Variants in FOXP2 observed in about 807,000 individuals in gnomAD.
The protein encoded by FOXP2 is forkhead box protein P2.
A neutral mutation model predicts 115.8 loss-of-function variants in FOXP2; 12 were observed. That is an observed-to-expected ratio of 0.10 (90% CI 0.07 to 0.17). FOXP2 has a LOEUF of 0.17. Ranked by LOEUF, FOXP2 falls within the 10% of genes least tolerant of loss-of-function variation. The pLI is 1.00. For missense variants in FOXP2, 629 were observed against 843.5 expected (o/e 0.75, Z 3.15); for synonymous variants, 328 against 297.7 (o/e 1.10, Z -1.05).
chr7:114,518,511 A>AT lies in FOXP2; in HGVS notation c.169-16093dup, dbSNP rs948100183. Among the ~76,000 whole-genome samples the AT allele has an allele frequency of 9.9e-3, 1,450 of 145,970 alleles. 21 individuals are homozygous for AT. Among genetic ancestry groups the AT allele is most frequent in the African/African-American group, 0.031 (1,246 of 40,080 alleles). ...CCCTTTGACCCAAAGATTCTATAGA[A>AT]TTTTTTTTTTTTTGAGATGGAGTCT... On this transcript the variant is annotated intron_variant, in intron 2 of 16. Coordinates refer to ENST00000350908, the MANE Select transcript of FOXP2 (RefSeq NM_014491.4).
intron 2 of FOXP2, among the ~76,000 whole-genome samples, chr7:114,464,296 A>G (rs1183449023): frequency 6.6e-6 from 1 of 152,020 alleles, no homozygotes; most frequent in Non-Finnish European, 1.5e-5. Flanking sequence ...CAAACTTACA[A>G]AATTGTGACC....
At chr7:114,367,548 A>G (rs187628512) in intron 2 of FOXP2, among the ~76,000 whole-genome samples, 175 of 152,272 alleles carry the variant, frequency 1.1e-3, no homozygotes, top group Non-Finnish European at 2.2e-3. Flanking sequence ...TAATAGAACT[A>G]TGAACTACAA....
At chr7:114,508,004 T>C (rs531566806) in intron 2 of FOXP2, among the ~76,000 whole-genome samples, 6 of 152,114 alleles carry the variant, frequency 3.9e-5, no homozygotes, top group African/African-American at 1.2e-4. Flanking sequence ...ATTAAGTGCT[T>C]GCTATATGTC....
At chr7:114,353,746 G>C (rs1268620823) in intron 2 of FOXP2, among the ~76,000 whole-genome samples, 1 of 151,976 alleles carries the variant, frequency 6.6e-6, no homozygotes, top group African/African-American at 2.4e-5. Flanking sequence ...GTCATCTACT[G>C]ATCTGTAGGC....
intron 16 of FOXP2, among the ~76,000 whole-genome samples, chr7:114,679,675 G>A (rs368315952): frequency 6.6e-6 from 1 of 151,686 alleles, no homozygotes; most frequent in African/African-American, 2.4e-5. Context: ...ACATGTCTAC[G>A]ATTCTCCATT....
intron 2 of FOXP2, among the ~76,000 whole-genome samples, chr7:114,486,440 G>A (rs1318741420): frequency 6.6e-6 from 1 of 152,000 alleles, no homozygotes; most frequent in African/African-American, 2.4e-5. Context: ...ATGAGATTTG[G>A]GTGGGGACAC....
At chr7:114,672,960 G>A (rs920735600) in intron 16 of FOXP2, among the ~76,000 whole-genome samples, 9 of 152,162 alleles carry the variant, frequency 5.9e-5, no homozygotes, top group Non-Finnish European at 1.2e-4. Flanking sequence ...CTCAACTACA[G>A]GACTTTGAGG....
intron 1 of FOXP2, among the ~76,000 whole-genome samples, chr7:114,420,508 A>G (rs1184863421): frequency 6.6e-6 from 1 of 151,898 alleles, no homozygotes; most frequent in African/African-American, 2.4e-5. Flanking sequence ...CTGTGACAGA[A>G]TATACTTGCT....
chr7:114,615,045 C>T (rs1045318435), intron 3 of FOXP2, among the ~76,000 whole-genome samples: 4 of 151,998 alleles, frequency 2.6e-5, no homozygotes, highest in Non-Finnish European at 5.9e-5. Context: ...ATGGTGAAAC[C>T]CCGTCTCTAC....
At chr7:114,391,892 T>C (rs1254275672) in intron 2 of FOXP2, among the ~76,000 whole-genome samples, 2 of 152,200 alleles carry the variant, frequency 1.3e-5, no homozygotes, top group Non-Finnish European at 2.9e-5. Flanking sequence ...CTGAAAAGCA[T>C]ACTAGGTCTT....
chr7:114,631,762 A>G (rs1804936936), intron 6 of FOXP2, 57 bp downstream of exon 6: 2 of 1,575,748 alleles, frequency 1.3e-6, no homozygotes, highest in Non-Finnish European at 1.7e-6. Flanking sequence ...CTACCATTTC[A>G]TGGCCTTTCT....
intron 1 of FOXP2, among the ~76,000 whole-genome samples, chr7:114,180,115 T>A (rs1046250135): frequency 6.6e-6 from 1 of 152,006 alleles, no homozygotes; most frequent in African/African-American, 2.4e-5. Context: ...ACTGCGTTAG[T>A]ATTTTGGGAA....
At chr7:114,596,346 A>T (rs143475764) in intron 3 of FOXP2, among the ~76,000 whole-genome samples, 25 of 152,118 alleles carry the variant, frequency 1.6e-4, no homozygotes, top group Non-Finnish European at 3.1e-4. Context: ...CCAGATTGCA[A>T]ATTGAAAGCT....
chr7:114,204,727 G>T (rs1169604614), intron 1 of FOXP2, among the ~76,000 whole-genome samples: 1 of 152,100 alleles, frequency 6.6e-6, no homozygotes, highest in East Asian at 1.9e-4. Flanking sequence ...GAGAGTATTT[G>T]CTAGTAGCTA....
At position 114,214,304 on chromosome 7, in the gene FOXP2, A is replaced by G. The variant is rs142393386; in HGVS notation, c.-102+51216A>G. Among the ~76,000 whole-genome samples, 23 of 152,256 alleles carry G rather than the reference A, an allele frequency of 1.5e-4. No homozygotes were observed. The East Asian group carries it at 2.9e-3, about 19-fold the overall frequency. On this transcript the variant is annotated intron_variant, in intron 1 of 17. Coordinates refer to the FOXP2 transcript ENST00000634411. The stretch of plus-strand genomic sequence containing the variant: ...GATCAAGAGCTCACAGTCCTACTAT[A>G]CAGCACACAAGTGGACACATTTTTA...
At chr7:114,644,836 TG>T (rs1218808953) in intron 8 of FOXP2, 47 bp downstream of exon 8, 2 of 1,394,410 alleles carry the variant, frequency 1.4e-6, no homozygotes, top group African/African-American at 1.4e-5. Flanking sequence ...CTGGATTATA[TG>T]GGCATTTTAG....
chr7:114,099,808 A>G (rs933138371), intron 1 of FOXP2, among the ~76,000 whole-genome samples: 1 of 152,182 alleles, frequency 6.6e-6, no homozygotes, highest in Non-Finnish European at 1.5e-5. Flanking sequence ...GCCAAAGGAT[A>G]CAAAGTCACA....
intron 2 of FOXP2, among the ~76,000 whole-genome samples, chr7:114,517,166 T>A (rs1798387916): frequency 6.6e-6 from 1 of 152,178 alleles, no homozygotes. Flanking sequence ...AAATGTCTAT[T>A]CAGTTTCTTT....
chr7:114,570,882 G>A, intron 3 of FOXP2: 1 of 1,611,618 alleles, frequency 6.2e-7, no homozygotes, highest in South Asian at 1.1e-5. Context: ...CACATTTGCA[G>A]TAAGTTACAC....
Sources: gnomAD v4.1 joint callset for allele counts (sites outside exome capture counted in the v4.1 genomes callset) on GRCh38, gnomAD v4.1.1 for gene constraint, MANE v1.5 for transcripts, NCBI Gene and HGNC (gene_info 2026-07-23, HGNC 2026-07-21) for gene names.